Variants in SPATS1 observed in about 807,000 individuals in gnomAD.
SPATS1 encodes the protein spermatogenesis-associated serine-rich protein 1.
A neutral mutation model predicts 33.6 loss-of-function variants in SPATS1; 23 were observed. The observed-to-expected ratio is 0.68, with a 90% CI of 0.49 to 0.97. The LOEUF (loss-of-function observed/expected upper bound fraction) is 0.97, where lower values mean the gene tolerates loss of function less well. Among genes scored for constraint, SPATS1 ranks in the 50% least tolerant of loss-of-function variants. The pLI is 0.00. For missense variants in SPATS1, 327 were observed against 361.0 expected (o/e 0.91, Z 0.76); for synonymous variants, 131 against 125.6 (o/e 1.04, Z -0.29).
chr6:44,368,898 ATTT>A (rs60261813), intron 6 of SPATS1, among the ~76,000 whole-genome samples: 8 of 134,528 alleles, frequency 5.9e-5, no homozygotes, highest in Admixed American at 1.5e-4. Context: ...GGTGTATTAC[ATTT>A]TTTTTTTTTT....
At chr6:44,360,657 C>A (rs1313474369) in intron 4 of SPATS1, 87 bp downstream of exon 4, 1 of 1,459,358 alleles carries the variant, frequency 6.9e-7, no homozygotes, top group East Asian at 2.3e-5. Context: ...CATCGAAGGC[C>A]CACAACTGTC....
chr6:44,350,650 T>A (rs1454040076), intron 2 of SPATS1, among the ~76,000 whole-genome samples: 1 of 152,126 alleles, frequency 6.6e-6, no homozygotes, highest in African/African-American at 2.4e-5. Flanking sequence ...CGGGACTTGA[T>A]AAGAATGGAA....
rs1790111164 is a variant in SPATS1 at position 44,379,610 on chromosome 6, AAAAAAAAAAAAAAAAAAG to A, written c.*2551_*2568del. Among the ~76,000 whole-genome samples the A allele has an allele frequency of 6.8e-6, 1 of 148,044 alleles. No homozygotes were observed. The highest frequency in any genetic ancestry group is 2.1e-4 in the South Asian group (1 of 4,670). Reference sequence around the variant, plus strand: ...GTGAGACTCTGTCTCAAAAAAAAAAAAAAAAAAAAAAAAAAAAGAAAGAAAGAAAGAAAGAAAAACAAC... The same window carrying A: ...GTGAGACTCTGTCTCAAAAAAAAAAAAAAGAAAGAAAGAAAGAAAAACAAC... On this transcript the variant is annotated 3_prime_UTR_variant, in exon 9 of 9. Coordinates refer to ENST00000674044, the MANE Select transcript of SPATS1 (RefSeq NM_001372081.1).
At chr6:44,345,133 A>G (rs1360607842) in intron 2 of SPATS1, among the ~76,000 whole-genome samples, 2 of 151,996 alleles carry the variant, frequency 1.3e-5, no homozygotes, top group Non-Finnish European at 2.9e-5. Context: ...CAGGCTTGCA[A>G]TTCCAGCTTC....
At chr6:44,371,510 C>T (rs983276521) in intron 7 of SPATS1, among the ~76,000 whole-genome samples, 11 of 152,286 alleles carry the variant, frequency 7.2e-5, no homozygotes, top group South Asian at 4.1e-4. Flanking sequence ...TGTTCTGTAG[C>T]GTCTAGTTTG....
Position 44,350,312 on chromosome 6 carries a change from T to C in SPATS1, c.140-2414T>C, listed in dbSNP as rs143993339. ...GGAAGTGGAACTGGATAAAATACAG[T>C]GCAGTGATGGAACTAGACTTCAAGA... is the stretch of plus-strand genomic sequence containing the variant. On this transcript the variant is annotated intron_variant, in intron 2 of 8. Transcript: ENST00000674044. Among the ~76,000 whole-genome samples, 5 of 152,334 alleles carry C rather than the reference T, an allele frequency of 3.3e-5. No homozygotes were observed. In the East Asian group the frequency reaches 5.8e-4, roughly 18 times the overall value.
rs1465279587 is a variant in SPATS1, at chr6:44,379,220, T to C, written c.*2157T>C. Among the ~76,000 whole-genome samples, 1 of 152,076 alleles carries C rather than the reference T, an allele frequency of 6.6e-6. No individual in the cohort carries two copies. The highest frequency in any genetic ancestry group is 1.5e-5 in the Non-Finnish European group (1 of 68,028). ...GCAGAGATTTCCTGGTGAGATTATC[T>C]AGGTGGCACAGGAAACTGCTCTCAG... On this transcript the variant is annotated 3_prime_UTR_variant, in exon 9 of 9. Transcript: ENST00000674044.
At chr6:44,371,463 TG>T (rs2153369925) in intron 7 of SPATS1, among the ~76,000 whole-genome samples, 1 of 152,350 alleles carries the variant, frequency 6.6e-6, no homozygotes, top group African/African-American at 2.4e-5. Flanking sequence ...CTTCTGTTGC[TG>T]GATTTAGCAT....
chr6:44,377,053 G>A lies in SPATS1; in HGVS notation c.893G>A (p.Arg298Lys). ...LHLSGALDFP[R>K]QS ...TCCACAGGTGCTTTGGACTTTCCAA[G>A]ACAATCCTGAGCATAAACAGGCCCA... Residue 298 changes from arginine to lysine, a missense_variant, in exon 9 of 9, where the codon AGA becomes AAA. Physicochemically the swap from Arg to Lys is conservative, Grantham distance 26. Transcript: ENST00000674044. 6.2e-7 allele frequency: 1 copy of A among 1,614,242 alleles called. No individual in the cohort carries two copies. The highest frequency in any genetic ancestry group is 8.5e-7 in the Non-Finnish European group (1 of 1,180,052).
chr6:44,368,898 A>ATT (rs60261813), intron 6 of SPATS1, among the ~76,000 whole-genome samples: 9,660 of 134,494 alleles, frequency 0.072, 552 homozygotes, highest in East Asian at 0.23. Context: ...GGTGTATTAC[A>ATT]TTTTTTTTTT....
chr6:44,367,043 C>T (rs1486657588), intron 5 of SPATS1, among the ~76,000 whole-genome samples: 1 of 152,140 alleles, frequency 6.6e-6, no homozygotes, highest in Non-Finnish European at 1.5e-5. Context: ...CTTGTCAGTG[C>T]CCTGGTTTGG....
At position 44,342,746 on chromosome 6, in the gene SPATS1, T is replaced by C. The variant is rs747641942; in HGVS notation, c.-23T>C. 6.3e-6 allele frequency: 3 copies of C among 476,164 alleles called. No homozygotes were observed. In the East Asian group the frequency reaches 1.9e-4, roughly 30 times the overall value. The allele number at this position is 476,164 out of a possible 1,614,324, so 29.5% of individuals were successfully genotyped here. ...TCGGCGTGCGGCGTGCGTTCGGCAG[T>C]TCAGTTGCCAGTTGGTTCGTTGGTC... On this transcript the variant is annotated 5_prime_UTR_variant, in exon 1 of 9. Transcript: ENST00000674044.
At chr6:44,369,990 G>A in intron 6 of SPATS1, 61 bp from the exon 7 acceptor site, 1 of 1,243,584 alleles carries the variant, frequency 8.0e-7, no homozygotes, top group Non-Finnish European at 1.2e-6. Flanking sequence ...ATACAATGAT[G>A]TATTGATCTC....
chr6:44,371,328 C>T (rs908520901), intron 7 of SPATS1, among the ~76,000 whole-genome samples: 3 of 151,606 alleles, frequency 2.0e-5, no homozygotes, highest in Non-Finnish European at 2.9e-5. Context: ...AGAGAGAAGT[C>T]GATCAGCATA....
rs142750461 is a variant in SPATS1 at position 44,349,106 on chromosome 6, G to A, written c.140-3620G>A. ...AGATTGCACTACTGCACTCCAGCCG[G>A]GGGGACAGAGCGAGACTCTGTCTCC... On this transcript the variant is annotated intron_variant, in intron 2 of 8. Coordinates refer to ENST00000674044, the MANE Select transcript of SPATS1 (RefSeq NM_001372081.1). Among the ~76,000 whole-genome samples, 1,197 of 151,842 alleles carry A rather than the reference G, an allele frequency of 7.9e-3. 15 individuals are homozygous for A. Among genetic ancestry groups the A allele is most frequent in the African/African-American group, 0.028 (1,147 of 41,388 alleles).
chr6:44,356,697 A>G (rs1376784797), intron 3 of SPATS1, among the ~76,000 whole-genome samples: 3 of 152,194 alleles, frequency 2.0e-5, no homozygotes, highest in African/African-American at 4.8e-5. Context: ...GTCTCTACAG[A>G]GGGCATCCCA....
chr6:44,354,018 A>C (rs1788404009), intron 3 of SPATS1, among the ~76,000 whole-genome samples: 1 of 143,784 alleles, frequency 7.0e-6, no homozygotes, highest in Non-Finnish European at 1.5e-5. Context: ...AGCCTGGGCG[A>C]CAGAGCGAGA....
chr6:44,379,936 C>T lies in SPATS1; in HGVS notation c.*2873C>T, dbSNP rs1033604119. ...TGTGGGTACATCTCGATGCCCAGGC[C>T]TTATTCCACGGCACCTCAATAGCTG... On this transcript the variant is annotated 3_prime_UTR_variant, in exon 9 of 9. Transcript: ENST00000674044. Among the ~76,000 whole-genome samples the T allele has an allele frequency of 6.6e-6, 1 of 152,094 alleles. No individual in the cohort carries two copies. The highest frequency in any genetic ancestry group is 2.4e-5 in the African/African-American group (1 of 41,424).
chr6:44,343,168 G>A lies in SPATS1; in HGVS notation c.73G>A (p.Gly25Ser). 5.0e-6 allele frequency: 8 copies of A among 1,614,088 alleles called. No individual in the cohort carries two copies. The highest frequency in any genetic ancestry group is 6.8e-6 in the Non-Finnish European group (8 of 1,180,010). ...RLPSISSTTCGRQLEKVPEKR... is the reference protein window; with the variant it reads ...RLPSISSTTCSRQLEKVPEKR... ...CCCCTCCATCTCAAGCACGACCTGC[G>A]GCAGACAGCTGGAGAAGGTTCCAGA... The change falls in exon 2 of 9, where the codon GGC becomes AGC. Residue 25 changes from glycine (G) to serine (S), a missense_variant. Gly to Ser is a moderately conservative substitution (Grantham distance 56, BLOSUM62 0). Transcript: ENST00000674044.
Sources: allele counts gnomAD v4.1 joint callset (sites outside exome capture counted in the v4.1 genomes callset), GRCh38; gene constraint gnomAD v4.1.1; transcripts MANE v1.5; gene names NCBI Gene and HGNC (gene_info 2026-07-23, HGNC 2026-07-21).